RYK: variants seen among roughly 807,000 people sequenced by gnomAD.
RYK encodes the protein receptor like tyrosine kinase, also known as inactive tyrosine-protein kinase RYK.
RYK carries 21 observed loss-of-function variants against 70.2 expected under a neutral mutation model. The observed-to-expected ratio is 0.30, with a 90% CI of 0.21 to 0.43. The LOEUF (loss-of-function observed/expected upper bound fraction) is 0.43, where lower values mean the gene tolerates loss of function less well. RYK is among the 20% of genes least tolerant of loss of function. The pLI, the probability that RYK is intolerant of heterozygous loss-of-function variation, is 1.00. For synonymous variants in RYK, 267 were observed against 278.0 expected (o/e 0.96, Z 0.39); for missense variants, 604 against 753.3 (o/e 0.80, Z 2.32).
At chr3:134,209,553 A>C in intron 4 of RYK, 142 bp downstream of exon 4, 1 of 586,520 alleles carries the variant, frequency 1.7e-6, no homozygotes, top group South Asian at 3.2e-5. Flanking sequence ...GATTATCTCA[A>C]AACTTCACCT....
At chr3:134,176,558 C>G (rs544914200) in intron 11 of RYK, among the ~76,000 whole-genome samples, 5 of 151,896 alleles carry the variant, frequency 3.3e-5, no homozygotes, top group African/African-American at 4.8e-5. Flanking sequence ...GGACAACATA[C>G]TGAGGCCCTG....
At chr3:134,232,120 T>C (rs1302385843) in intron 1 of RYK, among the ~76,000 whole-genome samples, 1 of 152,206 alleles carries the variant, frequency 6.6e-6, no homozygotes, top group South Asian at 2.1e-4. Context: ...TCTTTACAAT[T>C]AACAACAGCT....
At chr3:134,183,105 T>C in intron 9 of RYK, 34 bp from the exon 10 acceptor site, 1 of 1,243,766 alleles carries the variant, frequency 8.0e-7, no homozygotes, top group South Asian at 1.4e-5. Context: ...TCTTGAATAA[T>C]AATACTACAT....
At chr3:134,235,167 A>G (rs2015168883) in intron 1 of RYK, among the ~76,000 whole-genome samples, 1 of 152,196 alleles carries the variant, frequency 6.6e-6, no homozygotes. Flanking sequence ...CACATTTTTA[A>G]GTACCATCTA....
intron 4 of RYK, among the ~76,000 whole-genome samples, chr3:134,208,321 C>G (rs775178738): frequency 6.6e-6 from 1 of 152,160 alleles, no homozygotes; most frequent in Admixed American, 6.5e-5. Flanking sequence ...TACAGTCATG[C>G]CCATCTCTCT....
chr3:134,175,881 C>A (rs1220828293), intron 12 of RYK, 49 bp downstream of exon 12: 1 of 1,549,436 alleles, frequency 6.5e-7, no homozygotes, highest in South Asian at 1.1e-5. Flanking sequence ...AACCCCAAAT[C>A]CAGGAAGCAC....
At chr3:134,194,518 T>C (rs1198071285) in intron 7 of RYK, among the ~76,000 whole-genome samples, 2 of 152,152 alleles carry the variant, frequency 1.3e-5, no homozygotes, top group African/African-American at 2.4e-5. Context: ...TTCTTTTTCA[T>C]GGGAGACAGT....
chr3:134,224,693 G>C (rs139352680), intron 1 of RYK, among the ~76,000 whole-genome samples: 1 of 151,680 alleles, frequency 6.6e-6, no homozygotes, highest in Non-Finnish European at 1.5e-5. Flanking sequence ...GCTAAGTAAC[G>C]GGTGCCTTCC....
intron 8 of RYK, 43 bp downstream of exon 8, chr3:134,191,806 C>T (rs772963317): frequency 1.3e-6 from 2 of 1,536,460 alleles, no homozygotes; most frequent in Non-Finnish European, 8.8e-7. Context: ...ATAGTGGTAA[C>T]ATTAAATCAT....
chr3:134,162,833 G>A (rs1206617869), intron 13 of RYK, among the ~76,000 whole-genome samples: 1 of 152,170 alleles, frequency 6.6e-6, no homozygotes, highest in Non-Finnish European at 1.5e-5. Context: ...TCGGAAGGGT[G>A]CTCCCATCCC....
chr3:134,190,328 C>A (rs747689375), intron 8 of RYK, among the ~76,000 whole-genome samples: 2 of 152,156 alleles, frequency 1.3e-5, no homozygotes, highest in Non-Finnish European at 2.9e-5. Context: ...AACCTCCTGT[C>A]TCCTCTTCCC....
intron 1 of RYK, among the ~76,000 whole-genome samples, chr3:134,223,995 G>T (rs1344735552): frequency 6.6e-6 from 1 of 152,194 alleles, no homozygotes; most frequent in Admixed American, 6.5e-5. Flanking sequence ...ATGCAGAAAT[G>T]AAATTTAAGG....
At chr3:134,207,068 A>C (rs1434383539) in intron 5 of RYK, among the ~76,000 whole-genome samples, 1 of 152,218 alleles carries the variant, frequency 6.6e-6, no homozygotes, top group Non-Finnish European at 1.5e-5. Flanking sequence ...CTGTAGGTTT[A>C]AGTAACATAA....
chr3:134,169,598 CA>C (rs1352161914), intron 13 of RYK, among the ~76,000 whole-genome samples: 2 of 152,184 alleles, frequency 1.3e-5, no homozygotes, highest in African/African-American at 4.8e-5. Flanking sequence ...AGAATCTGGA[CA>C]TACTGAAATA....
chr3:134,176,945 G>A (rs1412395035), intron 11 of RYK, among the ~76,000 whole-genome samples: 1 of 152,058 alleles, frequency 6.6e-6, no homozygotes, highest in African/African-American at 2.4e-5. Flanking sequence ...CTACTCGGGA[G>A]GCTGAGGCAG....
rs184428997 is a variant in RYK at position 134,210,108 on chromosome 3, T to C, written c.455-279A>G. On this transcript the variant is annotated intron_variant, in intron 3 of 14. Coordinates refer to ENST00000623711, the MANE Select transcript of RYK (RefSeq NM_002958.4). ...ATAATTGTTTTCAACTTCTGCTCAT[T>C]GTTTTTAATACACCACTTTGTCTCA... is the stretch of plus-strand genomic sequence containing the variant. Among the ~76,000 whole-genome samples the C allele has an allele frequency of 2.3e-3, 351 of 152,336 alleles. 4 individuals are homozygous for C. The highest frequency in any genetic ancestry group is 0.01 in the Middle Eastern group (3 of 294).
At chr3:134,159,714 G>A (rs1053581409) in intron 13 of RYK, among the ~76,000 whole-genome samples, 3 of 152,198 alleles carry the variant, frequency 2.0e-5, no homozygotes, top group Non-Finnish European at 4.4e-5. Context: ...TAATTGAGAA[G>A]TGGAAAATGA....
intron 5 of RYK, among the ~76,000 whole-genome samples, chr3:134,206,870 C>T (rs1368614538): frequency 1.3e-5 from 2 of 151,380 alleles, no homozygotes; most frequent in African/African-American, 4.9e-5. Context: ...TTGAAGTTTT[C>T]AAAACCAATT....
intron 8 of RYK, among the ~76,000 whole-genome samples, chr3:134,191,547 G>A (rs1453403433): frequency 6.6e-6 from 1 of 152,188 alleles, no homozygotes; most frequent in Non-Finnish European, 1.5e-5. Flanking sequence ...CTATCTCAGA[G>A]AGACCTGCCA....
Sources: gnomAD v4.1 joint callset for allele counts (sites outside exome capture counted in the v4.1 genomes callset) on GRCh38, gnomAD v4.1.1 for gene constraint, MANE v1.5 for transcripts, NCBI Gene and HGNC (gene_info 2026-07-23, HGNC 2026-07-21) for gene names.